The following KCNE1 variants were observed in gnomAD, a reference collection of about 807,000 sequenced individuals.
KCNE1 encodes potassium voltage-gated channel subfamily E member 1.
In KCNE1, 1 loss-of-function variant was observed where a neutral mutation model predicts 2.9. The ratio of observed to expected loss-of-function variants is 0.34; its 90% CI spans 0.12 to 1.62. KCNE1 has a LOEUF of 1.62. KCNE1 is among the 40% of genes most tolerant of loss of function. KCNE1 has a pLI of 0.36. For missense variants in KCNE1, 45 were observed against 150.5 expected (o/e 0.30, Z 3.67); for synonymous variants, 23 against 65.4 (o/e 0.35, Z 3.13).
intron 2 of KCNE1, among the ~76,000 whole-genome samples, chr21:34,497,042 T>A (rs1019880127): frequency 6.6e-6 from 1 of 152,168 alleles, no homozygotes; most frequent in African/African-American, 2.4e-5. Flanking sequence ...TACCTTAAGT[T>A]TATGTGAGTC....
intron 2 of KCNE1, among the ~76,000 whole-genome samples, chr21:34,503,557 A>G (rs758442888): frequency 1.1e-4 from 17 of 152,116 alleles, no homozygotes; most frequent in Non-Finnish European, 2.2e-4. Flanking sequence ...TGTAAGTCCT[A>G]ACCCTCTAAT....
At position 34,498,125 on chromosome 21, in the gene KCNE1, C is replaced by T. The variant is rs556544356; in HGVS notation, c.-162+12976G>A. 6.6e-5 allele frequency among the ~76,000 whole-genome samples: 10 copies of T among 152,242 alleles called. No individual in the cohort carries two copies. In the South Asian group the frequency reaches 2.1e-3, roughly 32 times the overall value. On this transcript the variant is annotated intron_variant, in intron 2 of 3. Transcript: ENST00000399286. ...TTTAATTTCTTTAAGTTCATTTTCA[C>T]CTTTTTCTGGTATCTCCTTGAGTAG...
intron 2 of KCNE1, among the ~76,000 whole-genome samples, chr21:34,495,603 T>C (rs1982758448): frequency 7.4e-6 from 1 of 135,502 alleles, no homozygotes; most frequent in East Asian, 2.1e-4. Context: ...TGATTTAATA[T>C]AGGAGGGTTG....
chr21:34,503,382 C>T (rs1983281880), intron 2 of KCNE1, among the ~76,000 whole-genome samples: 1 of 152,172 alleles, frequency 6.6e-6, no homozygotes, highest in Non-Finnish European at 1.5e-5. Context: ...AGGGACCACC[C>T]TCCAGGAAGC....
chr21:34,502,535 G>C (rs1983229962), intron 2 of KCNE1, among the ~76,000 whole-genome samples: 1 of 152,176 alleles, frequency 6.6e-6, no homozygotes, highest in South Asian at 2.1e-4. Context: ...ACTTACGTTA[G>C]AGCCCTTGTC....
chr21:34,498,386 A>G (rs1478463660), intron 2 of KCNE1, among the ~76,000 whole-genome samples: 5 of 152,250 alleles, frequency 3.3e-5, no homozygotes, highest in Non-Finnish European at 1.5e-5. Context: ...CTTTTGTCCC[A>G]CAGGTGACCC....
chr21:34,500,041 T>C (rs1983071307), intron 2 of KCNE1, among the ~76,000 whole-genome samples: 1 of 152,210 alleles, frequency 6.6e-6, no homozygotes. Context: ...CTTGAACTCC[T>C]GGGCTCAAGC....
chr21:34,498,174 C>T (rs574891009), intron 2 of KCNE1, among the ~76,000 whole-genome samples: 40 of 152,258 alleles, frequency 2.6e-4, no homozygotes, highest in Admixed American at 2.0e-4. Context: ...CTTCTGAATT[C>T]TTTATCTGGC....
intron 2 of KCNE1, among the ~76,000 whole-genome samples, chr21:34,497,876 TC>T (rs1418273963): frequency 6.6e-6 from 1 of 151,888 alleles, no homozygotes; most frequent in Non-Finnish European, 1.5e-5. Context: ...TTTTTTAAAT[TC>T]TTTTTTTTTC....
chr21:34,502,462 A>C (rs1983222662), intron 2 of KCNE1, among the ~76,000 whole-genome samples: 1 of 152,218 alleles, frequency 6.6e-6, no homozygotes, highest in African/African-American at 2.4e-5. Flanking sequence ...AATCAGGAAT[A>C]AAAGCCAAAA....
At chr21:34,505,973 C>T (rs1202957970) in intron 2 of KCNE1, among the ~76,000 whole-genome samples, 1 of 152,218 alleles carries the variant, frequency 6.6e-6, no homozygotes, top group East Asian at 1.9e-4. Flanking sequence ...TTTTTAACTA[C>T]AGTATTTTTA....
chr21:34,501,181 C>T (rs1411208175), intron 2 of KCNE1, among the ~76,000 whole-genome samples: 2 of 152,252 alleles, frequency 1.3e-5, no homozygotes, highest in Admixed American at 6.5e-5. Context: ...TGGAACCATC[C>T]GAAATCTCAT....
At chr21:34,505,906 C>G (rs1361289033) in intron 2 of KCNE1, among the ~76,000 whole-genome samples, 1 of 152,210 alleles carries the variant, frequency 6.6e-6, no homozygotes, top group Non-Finnish European at 1.5e-5. Context: ...GTCCTGCCTC[C>G]AAGTCATTGC....
intron 2 of KCNE1, among the ~76,000 whole-genome samples, chr21:34,498,054 A>T (rs2123505334): frequency 6.6e-6 from 1 of 151,796 alleles, no homozygotes. Context: ...TTTCTTTATG[A>T]TATCTATTTA....
chr21:34,495,739 C>T (rs997665512), intron 2 of KCNE1, among the ~76,000 whole-genome samples: 6 of 151,982 alleles, frequency 3.9e-5, no homozygotes, highest in African/African-American at 1.2e-4. Flanking sequence ...TGTTTTGTTT[C>T]TAATTGAGCT....
At chr21:34,509,677 G>T (rs576501792) in intron 2 of KCNE1, 1 of 152,068 alleles carries the variant, frequency 6.6e-6, no homozygotes, top group Non-Finnish European at 1.5e-5. Flanking sequence ...GGATGGTCTC[G>T]ATCTCCTGAC....
At chr21:34,496,579 C>A (rs182050603) in intron 2 of KCNE1, among the ~76,000 whole-genome samples, 1 of 152,302 alleles carries the variant, frequency 6.6e-6, no homozygotes, top group Admixed American at 6.5e-5. Flanking sequence ...TGTGGCCTAT[C>A]ATATGGTCTA....
intron 2 of KCNE1, 74 bp downstream of exon 2, chr21:34,511,027 G>A (rs1163365287): frequency 4.1e-6 from 2 of 483,412 alleles, no homozygotes; most frequent in African/African-American, 4.2e-5. Flanking sequence ...TTAGCCTGAT[G>A]TCAGGGTGGG....
chr21:34,502,341 A>C (rs1983216197), intron 2 of KCNE1, among the ~76,000 whole-genome samples: 1 of 152,242 alleles, frequency 6.6e-6, no homozygotes, highest in African/African-American at 2.4e-5. Flanking sequence ...CTGTTCAGAG[A>C]ATGAGTGAAT....
Sources: allele counts gnomAD v4.1 joint callset (sites outside exome capture counted in the v4.1 genomes callset), GRCh38; gene constraint gnomAD v4.1.1; transcripts MANE v1.5; gene names NCBI Gene and HGNC (gene_info 2026-07-23, HGNC 2026-07-21).